MYO16: variants seen among roughly 807,000 people sequenced by gnomAD.
MYO16 encodes the protein unconventional myosin-XVI.
Under a neutral mutation model 205.3 loss-of-function variants are expected in MYO16, and 94 were observed. The observed-to-expected ratio is 0.46, with a 90% CI of 0.39 to 0.54. The LOEUF is 0.54. Ranked by LOEUF, MYO16 falls within the 20% of genes least tolerant of loss-of-function variation. The pLI, the probability that MYO16 is intolerant of heterozygous loss-of-function variation, is 0.00. For synonymous variants in MYO16, 988 were observed against 954.0 expected (o/e 1.04, Z -0.66); for missense variants, 2,315 against 2,387.5 (o/e 0.97, Z 0.63).
At chr13:108,624,318 A>AT (rs968501612) in intron 1 of MYO16, among the ~76,000 whole-genome samples, 3 of 151,770 alleles carry the variant, frequency 2.0e-5, no homozygotes, top group Non-Finnish European at 4.4e-5. Flanking sequence ...TCATCAATAA[A>AT]TTTTTTTTTA....
chr13:108,992,854 A>G (rs1213721588), intron 21 of MYO16, among the ~76,000 whole-genome samples: 1 of 152,216 alleles, frequency 6.6e-6, no homozygotes, highest in Non-Finnish European at 1.5e-5. Flanking sequence ...TCATCTCCAT[A>G]TGACATTCAT....
chr13:108,637,868 GATTA>G (rs200082855), intron 1 of MYO16, among the ~76,000 whole-genome samples: 39 of 151,704 alleles, frequency 2.6e-4, no homozygotes, highest in South Asian at 2.1e-3. Flanking sequence ...CAAATAAATA[GATTA>G]ATTAATTAAT....
At chr13:108,811,270 AT>A (rs901333819) in intron 7 of MYO16, among the ~76,000 whole-genome samples, 4 of 152,138 alleles carry the variant, frequency 2.6e-5, no homozygotes, top group South Asian at 2.1e-4. Flanking sequence ...CAGAACTTTA[AT>A]TTTTTTGTGA....
the MYO16 span, among the ~76,000 whole-genome samples, chr13:108,535,429 G>A: frequency 6.6e-6 from 1 of 152,146 alleles, no homozygotes. Context: ...TCTATCTGGT[G>A]GCTTCCCATA....
chr13:109,127,162 C>A lies in MYO16; in HGVS notation c.3783-120C>A. On this transcript the variant is annotated intron_variant, in intron 30 of 34. Coordinates refer to ENST00000457511, the MANE Select transcript of MYO16 (RefSeq NM_001198950.3). The surrounding 1 kb of genome is among the most constrained non-coding windows in gnomAD (Gnocchi z 4.2). ...GGCTGCACACGTCCTCCAGCCACAGCAGGAAGGGCTGCTTGCCAAAAAGCC... is the reference window on the plus strand; with the variant it reads ...GGCTGCACACGTCCTCCAGCCACAGAAGGAAGGGCTGCTTGCCAAAAAGCC... 7.7e-7 allele frequency: 1 copy of A among 1,298,818 alleles called. No individual in the cohort carries two copies. Among genetic ancestry groups the A allele is most frequent in the Non-Finnish European group, 1.0e-6 (1 of 974,302 alleles). 80.5% of individuals were successfully genotyped at this position (1,298,818 alleles called of 1,614,324 possible).
chr13:109,175,945 T>C (rs1341621478), intron 33 of MYO16, among the ~76,000 whole-genome samples: 2 of 151,874 alleles, frequency 1.3e-5, no homozygotes, highest in Non-Finnish European at 2.9e-5. Flanking sequence ...AGAAAATCCT[T>C]GCTATGTTAA....
At position 109,125,390 on chromosome 13, in the gene MYO16, C is replaced by G; in HGVS notation, c.3782+32C>G. 6.2e-7 allele frequency: 1 copy of G among 1,611,322 alleles called. No homozygotes were observed. Among genetic ancestry groups the G allele is most frequent in the Non-Finnish European group, 8.5e-7 (1 of 1,178,476 alleles). On this transcript the variant is annotated intron_variant, in intron 30 of 34. Coordinates refer to ENST00000457511, the MANE Select transcript of MYO16 (RefSeq NM_001198950.3). This position sits in a 1 kb window ranked among gnomAD's most constrained non-coding sequence, Gnocchi z 4.0. ...GCAGAGAGCATGCAATTTTAATTAC[C>G]TTTGTGATTGGTTCAGTGGAGTCAT... is the stretch of plus-strand genomic sequence containing the variant.
At chr13:108,814,341 T>G (rs1246489816) in intron 7 of MYO16, among the ~76,000 whole-genome samples, 1 of 152,090 alleles carries the variant, frequency 6.6e-6, no homozygotes, top group Non-Finnish European at 1.5e-5. Context: ...TTCATTGTTT[T>G]TCTTTTCTTT....
chr13:108,585,066 C>T, the MYO16 span, among the ~76,000 whole-genome samples: 2 of 152,100 alleles, frequency 1.3e-5, no homozygotes, highest in South Asian at 2.1e-4. Context: ...TAAGTACTAT[C>T]ATTCATTATA....
the MYO16 span, among the ~76,000 whole-genome samples, chr13:108,578,428 G>GT: frequency 1.3e-5 from 2 of 152,180 alleles, no homozygotes; most frequent in Non-Finnish European, 2.9e-5. Flanking sequence ...AAATATCGAG[G>GT]TAATGGCAGT....
chr13:108,862,032 C>T lies in MYO16; in HGVS notation c.1360-4145C>T, dbSNP rs76150469. Among the ~76,000 whole-genome samples, 3,140 of 152,166 alleles carry T rather than the reference C, an allele frequency of 0.021. 199 individuals are homozygous for T. In the East Asian group the frequency reaches 0.21, roughly 10 times the overall value. ...ATGTTTTCCTACATTTTCTTTATAA[C>T]ATTTTATTATTTTAGCATTTACAGT... On this transcript the variant is annotated intron_variant, in intron 11 of 34. Transcript: ENST00000457511.
Position 109,134,196 on chromosome 13 carries a change from A to T in MYO16, c.4052-6068A>T, listed in dbSNP as rs916103090. On this transcript the variant is annotated intron_variant, in intron 31 of 34. Coordinates refer to ENST00000457511, the MANE Select transcript of MYO16 (RefSeq NM_001198950.3). ...ATGACCCTATGTAGAGAAGGGCATT[A>T]AGTCACTGATCAATGGTGTAACTTG... 2.0e-5 allele frequency among the ~76,000 whole-genome samples: 3 copies of T among 152,200 alleles called. No individual in the cohort carries two copies. In the East Asian group the frequency reaches 5.8e-4, roughly 29 times the overall value.
At chr13:108,660,303 C>T (rs200771740) in intron 1 of MYO16, among the ~76,000 whole-genome samples, 5 of 152,136 alleles carry the variant, frequency 3.3e-5, no homozygotes, top group Non-Finnish European at 7.4e-5. Context: ...CTTGTTCCAA[C>T]GTATAGTTTA....
intron 4 of MYO16, among the ~76,000 whole-genome samples, chr13:108,755,214 T>G (rs986374272): frequency 4.6e-5 from 7 of 151,724 alleles, no homozygotes; most frequent in African/African-American, 1.7e-4. Flanking sequence ...TGGTGTAGCA[T>G]GCAGAACAAG....
At chr13:109,070,925 A>G (rs1006653496) in intron 27 of MYO16, among the ~76,000 whole-genome samples, 1 of 152,172 alleles carries the variant, frequency 6.6e-6, no homozygotes, top group Admixed American at 6.5e-5. Flanking sequence ...AGAAAAATTC[A>G]GTTAGAGCTG....
chr13:109,059,934 C>T (rs1161862679), intron 27 of MYO16, among the ~76,000 whole-genome samples: 1 of 152,038 alleles, frequency 6.6e-6, no homozygotes, highest in Non-Finnish European at 1.5e-5. Flanking sequence ...GTCAAAACCA[C>T]AATGAGATAC....
At chr13:108,844,972 T>A (rs1259569961) in intron 10 of MYO16, among the ~76,000 whole-genome samples, 1 of 152,120 alleles carries the variant, frequency 6.6e-6, no homozygotes, top group Non-Finnish European at 1.5e-5. Flanking sequence ...TGTGTACTTG[T>A]CTGGTGCCTA....
At chr13:108,792,055 T>C (rs1594297009) in intron 5 of MYO16, among the ~76,000 whole-genome samples, 1 of 152,164 alleles carries the variant, frequency 6.6e-6, no homozygotes, top group East Asian at 1.9e-4. Flanking sequence ...GAATTAATTC[T>C]CCTTAGTAAA....
chr13:108,577,290 A>C, the MYO16 span, among the ~76,000 whole-genome samples: 2 of 152,294 alleles, frequency 1.3e-5, no homozygotes, highest in South Asian at 4.1e-4. Context: ...GAATGGCTAA[A>C]GGCTGGATTC....
Sources: gnomAD v4.1 joint callset for allele counts (sites outside exome capture counted in the v4.1 genomes callset) on GRCh38, gnomAD v4.1.1 for gene constraint, Gnocchi (gnomAD v3.1) non-coding constraint, MANE v1.5 for transcripts, NCBI Gene and HGNC (gene_info 2026-07-23, HGNC 2026-07-21) for gene names.